The following SLC12A9 variants were observed in gnomAD, a reference collection of about 807,000 sequenced individuals.
SLC12A9 encodes CCC-interacting protein 1.
In SLC12A9, 55 loss-of-function variants were observed where a neutral mutation model predicts 66.0. The observed-to-expected ratio is 0.83, with a 90% confidence interval of 0.67 to 1.04. The LOEUF is 1.04. Among genes scored for constraint, SLC12A9 ranks in the 50% least tolerant of loss-of-function variants. SLC12A9 has a pLI of 0.00. For missense variants in SLC12A9, 1,061 were observed against 1,241.9 expected (o/e 0.85, Z 2.19); for synonymous variants, 577 against 569.0 (o/e 1.01, Z -0.20).
upstream of SLC12A9, among the ~76,000 whole-genome samples, chr7:100,848,220 T>C (rs1813960987): frequency 6.6e-6 from 1 of 151,768 alleles, no homozygotes; most frequent in Non-Finnish European, 1.5e-5. Context: ...TTAAAACAGA[T>C]TGGGCCGGGT....
chr7:100,835,681 A>T (rs959814300), intron 1 of SLC12A9, among the ~76,000 whole-genome samples: 1 of 152,050 alleles, frequency 6.6e-6, no homozygotes, highest in Non-Finnish European at 1.5e-5. Context: ...ACAAAAACAC[A>T]CATACACAAA....
At chr7:100,836,191 G>A (rs1813655219) in intron 1 of SLC12A9, among the ~76,000 whole-genome samples, 1 of 152,216 alleles carries the variant, frequency 6.6e-6, no homozygotes, top group African/African-American at 2.4e-5. Context: ...GCAGGAGGCT[G>A]GCTCTAGGAG....
chr7:100,844,861 A>G (rs1813872856), intron 1 of SLC12A9, among the ~76,000 whole-genome samples: 1 of 152,212 alleles, frequency 6.6e-6, no homozygotes, highest in Non-Finnish European at 1.5e-5. Flanking sequence ...ATGATAAACT[A>G]AAAGTGCCAG....
Position 100,866,826 on chromosome 7 carries a change from G to A in SLC12A9, c.*221G>A, listed in dbSNP as rs1815126375. On this transcript the variant is annotated 3_prime_UTR_variant, in exon 14 of 14. Transcript: ENST00000354161. The surrounding 1 kb of genome is among the most constrained non-coding windows in gnomAD (Gnocchi z 7.3). ...TCTGGGTGGCTGTCCCCACCGTGCA[G>A]GGGAGGGAGTCCGCAGCCTCCCTTC... is the stretch of plus-strand genomic sequence containing the variant. 3 of 465,140 alleles carry A rather than the reference G, an allele frequency of 6.4e-6. No homozygotes were observed. Among genetic ancestry groups the A allele is most frequent in the East Asian group, 3.5e-5 (1 of 28,704 alleles). The allele number at this position is 465,140 out of a possible 1,614,324, so 28.8% of individuals were successfully genotyped here. A position where few individuals can be genotyped will look rare whatever the true frequency, so the allele number is the denominator to read the frequency against.
chr7:100,865,918 G>A lies in SLC12A9; in HGVS notation c.2058G>A (p.Thr686=), dbSNP rs573822202. The A allele has an allele frequency of 1.2e-4, 186 of 1,613,514 alleles. 1 individual carries two copies. In the South Asian group the frequency reaches 1.9e-3, roughly 16 times the overall value. ...RALNPQDYVA[T]VADALKMNKN... Reference sequence around the variant, plus strand: ...TCAATCCCCAGGACTATGTGGCCACGGTGGCCGACGCCCTCAAGATGAACA... The same window carrying A: ...TCAATCCCCAGGACTATGTGGCCACAGTGGCCGACGCCCTCAAGATGAACA... The change falls in exon 14 of 14, where the codon ACG becomes ACA. Residue 686 remains threonine, a synonymous_variant. Transcript: ENST00000354161.
chr7:100,831,645 T>C (rs574724527), intron 1 of SLC12A9, among the ~76,000 whole-genome samples: 1 of 152,324 alleles, frequency 6.6e-6, no homozygotes, highest in East Asian at 1.9e-4. Flanking sequence ...CTAATAAGTT[T>C]ACTTTTTCTT....
At chr7:100,831,256 G>T (rs937957188) in intron 1 of SLC12A9, among the ~76,000 whole-genome samples, 7 of 152,160 alleles carry the variant, frequency 4.6e-5, no homozygotes, top group African/African-American at 1.7e-4. Context: ...GTGCGATCTC[G>T]GCTCACCACA....
At chr7:100,856,669 C>G in intron 4 of SLC12A9, 199 bp from the exon 5 acceptor site, 1 of 575,036 alleles carries the variant, frequency 1.7e-6, no homozygotes, top group South Asian at 2.4e-5. Flanking sequence ...TGCCTCCCCA[C>G]ACCTGGCTAA....
At chr7:100,851,025 T>A (rs574486104), upstream of SLC12A9, among the ~76,000 whole-genome samples, 168 of 151,674 alleles carry the variant, frequency 1.1e-3, 1 homozygote, top group African/African-American at 4.0e-3. Flanking sequence ...GCCCAATTTT[T>A]AAAAAAAATT....
intron 4 of SLC12A9, 115 bp from the exon 5 acceptor site, chr7:100,856,753 C>A: frequency 9.5e-7 from 1 of 1,051,014 alleles, no homozygotes; most frequent in Non-Finnish European, 1.4e-6. Context: ...CTCAAGCAAT[C>A]CTCCCACCTC....
At position 100,861,855 on chromosome 7, in the gene SLC12A9, A is replaced by G. The variant is rs1814777728; in HGVS notation, c.1655A>G (p.Asn552Ser). ...RGALPLLRLANQLKKGGLYVL... is the reference protein window; with the variant it reads ...RGALPLLRLASQLKKGGLYVL... ...GCCCTGCCTCTGCTGCGGTTGGCCA[A>G]CCAGCTTAAGAAGGGGGGGCTGTAT... Residue 552 changes from asparagine (N) to serine (S), a missense_variant, in exon 12 of 14, where the codon AAC becomes AGC. Coordinates refer to ENST00000354161, the MANE Select transcript of SLC12A9 (RefSeq NM_020246.4). The surrounding 1 kb of genome is among the most constrained non-coding windows in gnomAD (Gnocchi z 5.3). 3 of 1,613,372 alleles carry G rather than the reference A, an allele frequency of 1.9e-6. No individual in the cohort carries two copies. The highest frequency in any genetic ancestry group is 2.5e-6 in the Non-Finnish European group (3 of 1,179,862).
intron 1 of SLC12A9, among the ~76,000 whole-genome samples, chr7:100,834,981 C>T (rs1813620052): frequency 6.6e-6 from 1 of 152,048 alleles, no homozygotes; most frequent in African/African-American, 2.4e-5. Flanking sequence ...CAGTGAGCCG[C>T]CGTGATCACA....
Position 100,866,013 on chromosome 7 carries a change from C to T in SLC12A9, c.2153C>T (p.Thr718Ile), listed in dbSNP as rs375252411. ...CGGCTGAGCCGGGGGTCTGGGGGCA[C>T]CTCTCAGCTGCACCATGTGGACGTG... is the stretch of plus-strand genomic sequence containing the variant. Reference protein sequence around the residue: ...PERLSRGSGGTSQLHHVDVWP... With the variant: ...PERLSRGSGGISQLHHVDVWP... The change falls in exon 14 of 14, where the codon ACC becomes ATC. Residue 718 changes from threonine (T) to isoleucine (I), a missense_variant. Physicochemically the swap from Thr to Ile is moderately conservative, Grantham distance 89 (BLOSUM62 -1). Transcript: ENST00000354161. This position sits in a 1 kb window ranked among gnomAD's most constrained non-coding sequence, Gnocchi z 7.3. 7.4e-6 allele frequency: 12 copies of T among 1,612,566 alleles called. No homozygotes were observed. In the African/African-American group the frequency reaches 8.0e-5, roughly 11 times the overall value.
In SLC12A9 at chr7:100,860,339, C is replaced by A. The variant is rs1200446019; in HGVS notation, c.1218+107C>A. ...ACAAATGTAAAGACAAATGCGTATG[C>A]ACTTGGGGTTGCACTGGCACTCTGC... On this transcript the variant is annotated intron_variant, in intron 9 of 13. Coordinates refer to ENST00000354161, the MANE Select transcript of SLC12A9 (RefSeq NM_020246.4). 7.7e-6 allele frequency: 9 copies of A among 1,168,780 alleles called. No homozygotes were observed. In the Admixed American group the frequency reaches 1.9e-4, roughly 25 times the overall value. 72.4% of individuals were successfully genotyped at this position (1,168,780 alleles called of 1,614,324 possible).
intron 1 of SLC12A9, chr7:100,837,258 T>A (rs946703611): frequency 1.3e-5 from 2 of 152,170 alleles, no homozygotes; most frequent in Admixed American, 1.3e-4. Context: ...ATCCCGTCTT[T>A]TACACGCCTG....
chr7:100,845,045 G>A (rs1397071539), intron 1 of SLC12A9, among the ~76,000 whole-genome samples: 2 of 151,548 alleles, frequency 1.3e-5, no homozygotes, highest in Admixed American at 1.3e-4. Context: ...TGAATTCCTG[G>A]CACAAAAAAA....
chr7:100,860,116 G>A (rs1350158573), intron 8 of SLC12A9, 34 bp from the exon 9 acceptor site: 12 of 1,614,200 alleles, frequency 7.4e-6, no homozygotes, highest in Non-Finnish European at 1.0e-5. Flanking sequence ...CTGAGCCCTG[G>A]CTGATGTGTC....
intron 1 of SLC12A9, among the ~76,000 whole-genome samples, chr7:100,841,322 AAAAC>A (rs756767976): frequency 4.6e-5 from 7 of 152,056 alleles, no homozygotes; most frequent in South Asian, 2.1e-4. Flanking sequence ...TTTAAAAAAA[AAAAC>A]AAACCAGTTT....
chr7:100,866,445 A>G lies in SLC12A9; in HGVS notation c.2585A>G (p.Glu862Gly). The change falls in exon 14 of 14, where the codon GAG (glutamate) becomes GGG (glycine). Residue 862 changes from glutamate (E) to glycine (G), a missense_variant. By Grantham distance (98) the Glu-to-Gly change is moderately conservative. Transcript: ENST00000354161. This position sits in a 1 kb window ranked among gnomAD's most constrained non-coding sequence, Gnocchi z 7.3. ...GPGGPEGGDA[E>G]GPITALTFLY... ...GGTGGGCCGGAGGGTGGGGATGCTG[A>G]GGGCCCCATCACAGCCCTCACCTTC... is the stretch of plus-strand genomic sequence containing the variant. 1 of 1,549,866 alleles carries G rather than the reference A, an allele frequency of 6.5e-7. No individual in the cohort carries two copies. Among genetic ancestry groups the G allele is most frequent in the South Asian group, 1.2e-5 (1 of 84,052 alleles).
Sources: gnomAD v4.1 joint callset for allele counts (sites outside exome capture counted in the v4.1 genomes callset) on GRCh38, gnomAD v4.1.1 for gene constraint, Gnocchi (gnomAD v3.1) non-coding constraint, MANE v1.5 for transcripts, NCBI Gene and HGNC (gene_info 2026-07-23, HGNC 2026-07-21) for gene names.